Variants in CRYBG1 observed in about 807,000 individuals in gnomAD.
CRYBG1 encodes the protein crystallin beta-gamma domain containing 1.
CRYBG1 carries 139 observed loss-of-function variants against 189.2 expected under a neutral mutation model. The ratio of observed to expected loss-of-function variants is 0.73; its 90% confidence interval spans 0.64 to 0.85. The LOEUF (loss-of-function observed/expected upper bound fraction) is 0.85, where lower values mean the gene tolerates loss of function less well. CRYBG1 is among the 40% of genes least tolerant of loss of function. CRYBG1 has a pLI of 0.00. For missense variants in CRYBG1, 2,611 were observed against 2,675.8 expected (o/e 0.98, Z 0.53); for synonymous variants, 1,023 against 1,017.1 (o/e 1.01, Z -0.11).
At chr6:106,485,781 G>T (rs932844639) in intron 2 of CRYBG1, among the ~76,000 whole-genome samples, 1 of 152,152 alleles carries the variant, frequency 6.6e-6, no homozygotes, top group Admixed American at 6.5e-5. Context: ...TTATTGATTT[G>T]TGTATGTTGA....
Position 106,520,981 on chromosome 6 carries a change from CT to C in CRYBG1, c.3775del (p.Ser1259LeufsTer2). 6.2e-7 allele frequency: 1 copy of C among 1,614,158 alleles called. No homozygotes were observed. The highest frequency in any genetic ancestry group is 1.1e-5 in the South Asian group (1 of 91,080). ...SSLPQDKIFS[P>X]SVTSVNTMTT... ...TTACCACAAGACAAAATCTTTTCTC[CT>C]TCTGTGACATCAGTCAACACTATGA... On this transcript the variant is annotated frameshift_variant, in exon 4 of 22. Coordinates refer to ENST00000633556, the MANE Select transcript of CRYBG1 (RefSeq NM_001371242.2). LOFTEE classifies it high-confidence loss of function.
chr6:106,413,637 A>G (rs1770971482), intron 1 of CRYBG1, among the ~76,000 whole-genome samples: 1 of 151,956 alleles, frequency 6.6e-6, no homozygotes, highest in South Asian at 2.1e-4. Flanking sequence ...AGATTGCACC[A>G]TTGCACTCTA....
intron 1 of CRYBG1, among the ~76,000 whole-genome samples, chr6:106,414,503 T>C (rs527656058): frequency 6.6e-6 from 1 of 152,332 alleles, no homozygotes; most frequent in South Asian, 2.1e-4. Flanking sequence ...GAAGACAAGT[T>C]TGAGTTCTTC....
At chr6:106,434,749 T>A (rs1771424138) in intron 1 of CRYBG1, among the ~76,000 whole-genome samples, 1 of 152,248 alleles carries the variant, frequency 6.6e-6, no homozygotes, top group South Asian at 2.1e-4. Flanking sequence ...AAACTCTATT[T>A]ACAAAAACAG....
chr6:106,551,164 A>AT (rs980354491), intron 13 of CRYBG1, among the ~76,000 whole-genome samples: 19 of 150,412 alleles, frequency 1.3e-4, no homozygotes, highest in African/African-American at 3.9e-4. Flanking sequence ...CCCAGGGCCT[A>AT]TTTTTTTTTC....
At chr6:106,507,852 A>G (rs1321533253) in intron 2 of CRYBG1, among the ~76,000 whole-genome samples, 1 of 152,212 alleles carries the variant, frequency 6.6e-6, no homozygotes. Flanking sequence ...GTTTGGAGAT[A>G]TGATCTTGGA....
chr6:106,571,924 G>A lies in CRYBG1; in HGVS notation c.*3358G>A. On this transcript the variant is annotated 3_prime_UTR_variant, in exon 22 of 22. Transcript: ENST00000633556. ...TCTGGAAAAATGTTTGAAAGGGATG[G>A]CTAGAAAAAAATTTGGGCTCACAGG... is the stretch of plus-strand genomic sequence containing the variant. 1.0e-6 allele frequency: 1 copy of A among 967,078 alleles called. No homozygotes were observed. The allele number at this position is 967,078 out of a possible 1,614,324, so 59.9% of individuals were successfully genotyped here.
At chr6:106,374,911 G>C (rs75215954) in intron 1 of CRYBG1, among the ~76,000 whole-genome samples, 8,475 of 152,242 alleles carry the variant, frequency 0.056, 388 homozygotes, top group East Asian at 0.16. Flanking sequence ...GCAGGAATGA[G>C]AGAGAGAAAA....
chr6:106,557,926 T>C (rs745975598), intron 17 of CRYBG1, among the ~76,000 whole-genome samples: 1 of 152,264 alleles, frequency 6.6e-6, no homozygotes, highest in African/African-American at 2.4e-5. Flanking sequence ...TTCCATCCTG[T>C]TGTTTTTTTT....
At chr6:106,389,972 T>G (rs944364751) in intron 1 of CRYBG1, among the ~76,000 whole-genome samples, 1 of 152,086 alleles carries the variant, frequency 6.6e-6, no homozygotes, top group Non-Finnish European at 1.5e-5. Context: ...CAAAGGATAC[T>G]TTTTGTGTAA....
chr6:106,431,836 A>G (rs530728550), intron 1 of CRYBG1, among the ~76,000 whole-genome samples: 63 of 152,150 alleles, frequency 4.1e-4, no homozygotes, highest in African/African-American at 1.4e-3. Flanking sequence ...TGGGAATTCT[A>G]TCAAGGCTAA....
intron 6 of CRYBG1, among the ~76,000 whole-genome samples, chr6:106,525,900 T>C (rs1468701507): frequency 6.6e-6 from 1 of 152,226 alleles, no homozygotes; most frequent in Non-Finnish European, 1.5e-5. Flanking sequence ...GACAGTTCAA[T>C]GCAGCACTAA....
intron 13 of CRYBG1, among the ~76,000 whole-genome samples, chr6:106,546,533 T>C (rs1774268939): frequency 6.6e-6 from 1 of 152,180 alleles, no homozygotes; most frequent in Non-Finnish European, 1.5e-5. Flanking sequence ...TTACTCTTAG[T>C]AAATAGAGTA....
intron 1 of CRYBG1, among the ~76,000 whole-genome samples, chr6:106,403,136 A>G (rs1335881974): frequency 6.6e-6 from 1 of 152,094 alleles, no homozygotes; most frequent in Non-Finnish European, 1.5e-5. Context: ...GAAGTTTGAG[A>G]CTAGCCTGGG....
intron 1 of CRYBG1, among the ~76,000 whole-genome samples, chr6:106,404,127 G>A (rs1174996013): frequency 6.6e-6 from 1 of 152,216 alleles, no homozygotes; most frequent in Non-Finnish European, 1.5e-5. Flanking sequence ...AGCAAGCTAT[G>A]GAGCACACTG....
At chr6:106,480,468 T>C (rs1772423208) in intron 2 of CRYBG1, among the ~76,000 whole-genome samples, 1 of 146,490 alleles carries the variant, frequency 6.8e-6, no homozygotes, top group Non-Finnish European at 1.5e-5. Context: ...ATTGAGACCA[T>C]CCAGGCTAAC....
chr6:106,566,828 C>T (rs887579023), intron 21 of CRYBG1, among the ~76,000 whole-genome samples: 3 of 152,100 alleles, frequency 2.0e-5, no homozygotes, highest in African/African-American at 7.2e-5. Context: ...AACTACTGAA[C>T]CATTTGTTAT....
chr6:106,433,756 T>TATAC (rs1491124084), intron 1 of CRYBG1, among the ~76,000 whole-genome samples: 3,252 of 23,946 alleles, frequency 0.14, 294 homozygotes, highest in African/African-American at 0.36. Flanking sequence ...TATATATATA[T>TATAC]GTGTATATAT....
intron 2 of CRYBG1, among the ~76,000 whole-genome samples, chr6:106,468,260 C>A (rs1262356879): frequency 6.6e-6 from 1 of 152,090 alleles, no homozygotes; most frequent in Non-Finnish European, 1.5e-5. Flanking sequence ...GGAGCCTGAG[C>A]TTTACGTACA....
Sources: allele counts gnomAD v4.1 joint callset (sites outside exome capture counted in the v4.1 genomes callset), GRCh38; gene constraint gnomAD v4.1.1; transcripts MANE v1.5; gene names NCBI Gene and HGNC (gene_info 2026-07-23, HGNC 2026-07-21).